Variants in HMGA1 observed in about 807,000 individuals in gnomAD.
HMGA1 encodes the protein high mobility group AT-hook 1.
HMGA1 carries 1 observed loss-of-function variant against 15.1 expected under a neutral mutation model. The observed-to-expected ratio is 0.07, with a 90% CI of 0.02 to 0.31. The LOEUF (loss-of-function observed/expected upper bound fraction) is 0.31, where lower values mean the gene tolerates loss of function less well. Among genes scored for constraint, HMGA1 ranks in the 10% least tolerant of loss-of-function variants. The pLI, the probability that HMGA1 is intolerant of heterozygous loss-of-function variation, is 1.00. For missense variants in HMGA1, 94 were observed against 141.4 expected (o/e 0.66, Z 1.70); for synonymous variants, 56 against 54.8 (o/e 1.02, Z -0.10).
At chr6:34,239,867 G>A (rs1762154242) in intron 2 of HMGA1, among the ~76,000 whole-genome samples, 1 of 152,136 alleles carries the variant, frequency 6.6e-6, no homozygotes, top group Non-Finnish European at 1.5e-5. Flanking sequence ...TGACCAAGAA[G>A]GTTTTAGGAT....
Position 34,245,703 on chromosome 6 carries a change from ACTTTG to A in HMGA1, c.*823_*827del. 1.1e-6 allele frequency: 1 copy of A among 941,608 alleles called. No individual in the cohort carries two copies. The highest frequency in any genetic ancestry group is 1.5e-6 in the Non-Finnish European group (1 of 674,440). The allele number at this position is 941,608 out of a possible 1,614,324, so 58.3% of individuals were successfully genotyped here. ...GGGCTGGGGCTGCTCCCCTAACCCT[ACTTTG>A]CTTCCGCCACTCAGCCATTTCCCCC... is the stretch of plus-strand genomic sequence containing the variant. On this transcript the variant is annotated 3_prime_UTR_variant, in exon 6 of 6. Transcript: ENST00000311487.
chr6:34,243,675 T>G (rs574891334), intron 5 of HMGA1, among the ~76,000 whole-genome samples, 157 bp downstream of exon 5: 56 of 152,242 alleles, frequency 3.7e-4, no homozygotes, highest in African/African-American at 1.2e-3. Context: ...GGAAGGTACC[T>G]GGCCTGGGCT....
chr6:34,245,073 C>T lies in HMGA1; in HGVS notation c.*189C>T, dbSNP rs1455320149. On this transcript the variant is annotated 3_prime_UTR_variant, in exon 6 of 6. Transcript: ENST00000311487. ...AGCACACCAGCCGCTGCAGGGCTCC[C>T]ATGGGCTGAGTGGGGAGCAGTTTTC... The T allele has an allele frequency of 6.5e-7, 1 of 1,530,854 alleles. No individual in the cohort carries two copies. Among genetic ancestry groups the T allele is most frequent in the Non-Finnish European group, 8.8e-7 (1 of 1,139,398 alleles). The allele number at this position is 1,530,854 out of a possible 1,614,324, so 94.8% of individuals were successfully genotyped here.
intron 3 of HMGA1, among the ~76,000 whole-genome samples, chr6:34,241,841 C>T (rs1367018317): frequency 2.0e-5 from 3 of 152,166 alleles, no homozygotes; most frequent in African/African-American, 7.2e-5. Context: ...GGAGAGTGGT[C>T]TGTGCTGACC....
In HMGA1 at chr6:34,243,944, G is replaced by A. The variant is rs191744250; in HGVS notation, c.270+426G>A. On this transcript the variant is annotated intron_variant, in intron 5 of 5. Coordinates refer to ENST00000311487, the MANE Select transcript of HMGA1 (RefSeq NM_145899.3). ...AAGGAGCTGGGCCCTGGGAGGGGTCGGTGCTGGAGTTCTGATGTGACCCAC... is the reference window on the plus strand; with the variant it reads ...AAGGAGCTGGGCCCTGGGAGGGGTCAGTGCTGGAGTTCTGATGTGACCCAC... Among the ~76,000 whole-genome samples the A allele has an allele frequency of 1.9e-3, 288 of 152,158 alleles. 3 individuals carry two copies. The highest frequency in any genetic ancestry group is 2.1e-3 in the South Asian group (10 of 4,816).
intron 5 of HMGA1, among the ~76,000 whole-genome samples, chr6:34,243,728 C>T (rs1169706109): frequency 6.6e-6 from 1 of 152,114 alleles, no homozygotes; most frequent in East Asian, 1.9e-4. Flanking sequence ...AATCAGACCA[C>T]ATCCCCCTGC....
chr6:34,242,325 C>T (rs1022083713), intron 3 of HMGA1, among the ~76,000 whole-genome samples: 1 of 152,128 alleles, frequency 6.6e-6, no homozygotes, highest in African/African-American at 2.4e-5. Flanking sequence ...CTCCATGACA[C>T]CCTGCAAGGG....
intron 3 of HMGA1, among the ~76,000 whole-genome samples, chr6:34,241,304 G>C (rs1218180858): frequency 6.6e-6 from 1 of 152,082 alleles, no homozygotes; most frequent in Non-Finnish European, 1.5e-5. Context: ...AGAAGCCCAG[G>C]GTTTTTAATC....
In HMGA1 at chr6:34,242,744, A is replaced by G. The variant is rs149161581; in HGVS notation, c.168A>G (p.Arg56=). ...KEPSEVPTPK[R]PRGRPKGSKN... ...CCAGCGAAGTGCCAACACCTAAGAG[A>G]CCTCGGGGCCGACCAAAGGGAAGCA... Residue 56 remains arginine, a synonymous_variant, in exon 4 of 6, where the codon AGA becomes AGG. Coordinates refer to ENST00000311487, the MANE Select transcript of HMGA1 (RefSeq NM_145899.3). 6.3e-7 allele frequency: 1 copy of G among 1,591,934 alleles called. No homozygotes were observed. The highest frequency in any genetic ancestry group is 8.6e-7 in the Non-Finnish European group (1 of 1,167,622).
Position 34,243,761 on chromosome 6 carries a change from T to TG in HMGA1, c.270+248dup, listed in dbSNP as rs775829421. On this transcript the variant is annotated intron_variant, in intron 5 of 5. Coordinates refer to ENST00000311487, the MANE Select transcript of HMGA1 (RefSeq NM_145899.3). ...TGCCCTGCCCTGCCCTAGTTGTGTG[T>TG]GGGGGTCCCTCCCTCTCCTGCTCCT... Among the ~76,000 whole-genome samples the TG allele has an allele frequency of 3.6e-4, 55 of 152,182 alleles. 1 individual carries two copies. The highest frequency in any genetic ancestry group is 3.4e-3 in the Middle Eastern group (1 of 294).
At chr6:34,244,423 TCCCCTGCACCCACCAGCGGG>T in intron 5 of HMGA1, among the ~76,000 whole-genome samples, 1 of 151,968 alleles carries the variant, frequency 6.6e-6, no homozygotes, top group Non-Finnish European at 1.5e-5. Context: ...AGGACCTGGT[TCCCCTGCACCCACCAGCGGG>T]CTCTTGCACC....
chr6:34,239,317 C>G (rs1762105454), intron 2 of HMGA1, among the ~76,000 whole-genome samples: 1 of 151,206 alleles, frequency 6.6e-6, no homozygotes, highest in Admixed American at 6.6e-5. Context: ...CCGTATTGTC[C>G]AGGCTGGTCT....
chr6:34,242,696 C>CA lies in HMGA1; in HGVS notation c.136-16_136-15insA, dbSNP rs771414306. ...CAGGTGATGACTGTCCCTGACTACC[C>CA]CCTCTGTCTTTACAGAAGGAGCCCA... On this transcript the variant is annotated splice_polypyrimidine_tract_variant and intron_variant, in intron 3 of 5. Coordinates refer to ENST00000311487, the MANE Select transcript of HMGA1 (RefSeq NM_145899.3). 6.5e-7 allele frequency: 1 copy of CA among 1,549,342 alleles called. No individual in the cohort carries two copies. Among genetic ancestry groups the CA allele is most frequent in the Non-Finnish European group, 8.8e-7 (1 of 1,139,684 alleles).
At chr6:34,242,180 C>A (rs866996529) in intron 3 of HMGA1, among the ~76,000 whole-genome samples, 2 of 152,128 alleles carry the variant, frequency 1.3e-5, no homozygotes, top group Non-Finnish European at 2.9e-5. Flanking sequence ...CTATAATTCC[C>A]CTTCTCTGGG....
chr6:34,243,369 C>T, intron 4 of HMGA1, 99 bp from the exon 5 acceptor site: 1 of 926,066 alleles, frequency 1.1e-6, no homozygotes, highest in Non-Finnish European at 1.7e-6. Context: ...GTTGGGTCAC[C>T]CTGAACAGGC....
At chr6:34,238,007 C>T (rs989073844) in intron 2 of HMGA1, among the ~76,000 whole-genome samples, 2 of 152,148 alleles carry the variant, frequency 1.3e-5, no homozygotes, top group Non-Finnish European at 2.9e-5. Flanking sequence ...TTGCTGGGCT[C>T]TGTTGGAACT....
In HMGA1 at chr6:34,245,382, G is replaced by T; in HGVS notation, c.*498G>T. The T allele has an allele frequency of 8.1e-6, 11 of 1,355,318 alleles. No homozygotes were observed. Among genetic ancestry groups the T allele is most frequent in the Non-Finnish European group, 1.1e-5 (11 of 1,030,358 alleles). The allele number at this position is 1,355,318 out of a possible 1,614,324, so 84.0% of individuals were successfully genotyped here. ...GCCCTACTCCACTGCCCTGGCAGCA[G>T]CAGGTGTGGCCAATGGAGGGGGGTG... On this transcript the variant is annotated 3_prime_UTR_variant, in exon 6 of 6. Coordinates refer to ENST00000311487, the MANE Select transcript of HMGA1 (RefSeq NM_145899.3).
At position 34,242,603 on chromosome 6, in the gene HMGA1, G is replaced by A. The variant is rs376416130; in HGVS notation, c.136-109G>A. ...ATTCCTAGGTCAGGGATGGTTTGTG[G>A]TTCTTGGTTCTTGCTGACTTAACCT... is the stretch of plus-strand genomic sequence containing the variant. On this transcript the variant is annotated intron_variant, in intron 3 of 5. Coordinates refer to ENST00000311487, the MANE Select transcript of HMGA1 (RefSeq NM_145899.3). The A allele has an allele frequency of 1.3e-5, 10 of 776,616 alleles. No individual in the cohort carries two copies. The East Asian group carries it at 1.4e-4, about 11-fold the overall frequency. The allele number at this position is 776,616 out of a possible 1,614,324, so 48.1% of individuals were successfully genotyped here. A position where few individuals can be genotyped will look rare whatever the true frequency, so the allele number is the denominator to read the frequency against.
At chr6:34,238,018 A>G (rs559792288) in intron 2 of HMGA1, among the ~76,000 whole-genome samples, 8 of 152,156 alleles carry the variant, frequency 5.3e-5, no homozygotes, top group African/African-American at 1.9e-4. Flanking sequence ...TGTTGGAACT[A>G]GTCCCTTTGA....
Sources: gnomAD v4.1 joint callset for allele counts (sites outside exome capture counted in the v4.1 genomes callset) on GRCh38, gnomAD v4.1.1 for gene constraint, MANE v1.5 for transcripts, NCBI Gene and HGNC (gene_info 2026-07-23, HGNC 2026-07-21) for gene names.